The following SPOCK1 variants were observed in gnomAD, a reference collection of about 807,000 sequenced individuals.
SPOCK1 encodes SPARC (osteonectin), cwcv and kazal like domains proteoglycan 1, also known as testican-1.
SPOCK1 carries 23 observed loss-of-function variants against 55.3 expected under a neutral mutation model. The observed-to-expected ratio is 0.42, with a 90% CI of 0.30 to 0.59. The LOEUF (loss-of-function observed/expected upper bound fraction) is 0.59, where lower values mean the gene tolerates loss of function less well. Ranked by LOEUF, SPOCK1 falls within the 20% of genes least tolerant of loss-of-function variation. The pLI, the probability that SPOCK1 is intolerant of heterozygous loss-of-function variation, is 0.22. For missense variants in SPOCK1, 499 were observed against 552.5 expected (o/e 0.90, Z 0.97); for synonymous variants, 226 against 221.0 (o/e 1.02, Z -0.20).
At position 137,405,657 on chromosome 5, in the gene SPOCK1, C is replaced by T. The variant is rs554479535; in HGVS notation, c.186+92716G>A. On this transcript the variant is annotated intron_variant, in intron 2 of 10. Transcript: ENST00000394945. ...CCCCAGCTACACAAGTGAGAGGTACCAAGAAGAACAAACCCACCGACAACA... is the reference window on the plus strand; with the variant it reads ...CCCCAGCTACACAAGTGAGAGGTACTAAGAAGAACAAACCCACCGACAACA... Among the ~76,000 whole-genome samples the T allele has an allele frequency of 7.9e-5, 12 of 152,206 alleles. No homozygotes were observed. In the South Asian group the frequency reaches 2.5e-3, roughly 32 times the overall value.
At chr5:137,007,955 G>A (rs1751282246) in intron 6 of SPOCK1, among the ~76,000 whole-genome samples, 1 of 152,006 alleles carries the variant, frequency 6.6e-6, no homozygotes. Flanking sequence ...ATACTATGCA[G>A]CCATAAAAAA....
chr5:137,236,419 A>G (rs2127097300), intron 3 of SPOCK1, among the ~76,000 whole-genome samples: 1 of 152,360 alleles, frequency 6.6e-6, no homozygotes, highest in Non-Finnish European at 1.5e-5. Flanking sequence ...GCTGCCAAGG[A>G]AGGAGGACAG....
intron 3 of SPOCK1, among the ~76,000 whole-genome samples, chr5:137,263,189 T>C (rs1348230741): frequency 6.6e-6 from 1 of 152,134 alleles, no homozygotes; most frequent in Non-Finnish European, 1.5e-5. Flanking sequence ...ATTGAAAATA[T>C]GGTCACAGGC....
chr5:137,091,836 G>C (rs1297697351), intron 5 of SPOCK1, among the ~76,000 whole-genome samples: 1 of 152,132 alleles, frequency 6.6e-6, no homozygotes, highest in Non-Finnish European at 1.5e-5. Context: ...AAAACTCTTT[G>C]CATATGGGAG....
rs181236601 is a variant in SPOCK1 at position 137,064,624 on chromosome 5, C to T, written c.589+3091G>A. On this transcript the variant is annotated intron_variant, in intron 6 of 10. Coordinates refer to ENST00000394945, the MANE Select transcript of SPOCK1 (RefSeq NM_004598.4). Reference sequence around the variant, plus strand: ...CAGCTCTTCTTCCTCCCTCTGTCCACGGCTAAGTTGCCAACTCAAAGTTTC... The same window carrying T: ...CAGCTCTTCTTCCTCCCTCTGTCCATGGCTAAGTTGCCAACTCAAAGTTTC... Among the ~76,000 whole-genome samples the T allele has an allele frequency of 1.6e-3, 244 of 152,230 alleles. 2 individuals carry two copies. Among genetic ancestry groups the T allele is most frequent in the African/African-American group, 5.5e-3 (227 of 41,540 alleles).
chr5:137,236,852 C>T lies in SPOCK1; in HGVS notation c.232+30158G>A, dbSNP rs139683374. Among the ~76,000 whole-genome samples the T allele has an allele frequency of 2.2e-4, 33 of 152,298 alleles. No homozygotes were observed. In the Middle Eastern group the frequency reaches 0.014, roughly 63 times the overall value. On this transcript the variant is annotated intron_variant, in intron 3 of 10. Coordinates refer to ENST00000394945, the MANE Select transcript of SPOCK1 (RefSeq NM_004598.4). ...GGAGCTTCCTGAACTGGACAAGATA[C>T]CTGAATATAATGAAGAGCTCATTTC...
intron 2 of SPOCK1, among the ~76,000 whole-genome samples, chr5:137,477,755 C>T (rs1444462032): frequency 6.6e-6 from 1 of 152,160 alleles, no homozygotes; most frequent in African/African-American, 2.4e-5. Context: ...CTAAGCTCCA[C>T]ATGTCAGCTC....
intron 6 of SPOCK1, among the ~76,000 whole-genome samples, chr5:137,057,294 A>C (rs1173407506): frequency 6.6e-6 from 1 of 152,106 alleles, no homozygotes; most frequent in Non-Finnish European, 1.5e-5. Context: ...TGATTTGAAC[A>C]CATCTCAGTT....
rs533634695 is a variant in SPOCK1 at position 136,990,624 on chromosome 5, T to C, written c.706+1860A>G. On this transcript the variant is annotated intron_variant, in intron 7 of 10. Coordinates refer to ENST00000394945, the MANE Select transcript of SPOCK1 (RefSeq NM_004598.4). ...CTTCTTTGATCGAATGTCATGATTG[T>C]CAATAGTCTTTGATGATGCTGTCCC... Among the ~76,000 whole-genome samples the C allele has an allele frequency of 3.8e-5, 5 of 130,684 alleles. No individual in the cohort carries two copies. In the South Asian group the frequency reaches 9.5e-4, roughly 25 times the overall value. The allele number at this position is 130,684 out of a possible 152,430, so 85.7% of individuals were successfully genotyped here. A position where few individuals can be genotyped will look rare whatever the true frequency, so the allele number is the denominator to read the frequency against.
At chr5:137,131,842 G>A (rs1318346013) in intron 4 of SPOCK1, among the ~76,000 whole-genome samples, 3 of 146,550 alleles carry the variant, frequency 2.0e-5, no homozygotes, top group Non-Finnish European at 4.5e-5. Flanking sequence ...TGTAGGGGCG[G>A]GCGCCTGTAG....
intron 3 of SPOCK1, among the ~76,000 whole-genome samples, chr5:137,201,503 T>C (rs1755424094): frequency 6.6e-6 from 1 of 152,200 alleles, no homozygotes; most frequent in South Asian, 2.1e-4. Context: ...CCGTAACATT[T>C]CCAGCTGTTT....
intron 3 of SPOCK1, among the ~76,000 whole-genome samples, chr5:137,233,436 C>A (rs1756110334): frequency 6.6e-6 from 1 of 152,080 alleles, no homozygotes; most frequent in Non-Finnish European, 1.5e-5. Flanking sequence ...AATGCTGCTG[C>A]TGATCTGACA....
intron 4 of SPOCK1, among the ~76,000 whole-genome samples, chr5:137,118,181 A>G (rs1753623808): frequency 6.6e-6 from 1 of 152,210 alleles, no homozygotes; most frequent in Non-Finnish European, 1.5e-5. Context: ...CTATAAAACA[A>G]TTCTTTGGAA....
At chr5:137,489,331 C>T (rs1252075142) in intron 2 of SPOCK1, among the ~76,000 whole-genome samples, 1 of 152,112 alleles carries the variant, frequency 6.6e-6, no homozygotes, top group East Asian at 1.9e-4. Flanking sequence ...AAGGAGCAAC[C>T]CCATGTATAC....
intron 2 of SPOCK1, among the ~76,000 whole-genome samples, chr5:137,283,531 C>T (rs1170090664): frequency 6.6e-6 from 1 of 152,048 alleles, no homozygotes; most frequent in Non-Finnish European, 1.5e-5. Context: ...CTGGCCAACA[C>T]AGTGAAACCC....
intron 2 of SPOCK1, among the ~76,000 whole-genome samples, chr5:137,457,942 T>C (rs1181341260): frequency 6.6e-6 from 1 of 152,100 alleles, no homozygotes; most frequent in Admixed American, 6.5e-5. Flanking sequence ...TTGTGGTTAT[T>C]AAAAATAAAG....
At chr5:137,172,549 G>T (rs1340564124) in intron 3 of SPOCK1, among the ~76,000 whole-genome samples, 1 of 152,180 alleles carries the variant, frequency 6.6e-6, no homozygotes, top group Non-Finnish European at 1.5e-5. Flanking sequence ...TTGAAGGGAT[G>T]AGTCTATTTT....
chr5:137,184,822 T>C (rs941822031), intron 3 of SPOCK1, among the ~76,000 whole-genome samples: 3 of 151,962 alleles, frequency 2.0e-5, no homozygotes, highest in Non-Finnish European at 2.9e-5. Flanking sequence ...ACCCTTGCTC[T>C]CAATGCCTCT....
At chr5:137,325,291 G>T (rs1758056014) in intron 2 of SPOCK1, among the ~76,000 whole-genome samples, 1 of 152,062 alleles carries the variant, frequency 6.6e-6, no homozygotes, top group African/African-American at 2.4e-5. Context: ...GCCCTCCCTT[G>T]CATGACACCC....
Sources: allele counts gnomAD v4.1 joint callset (sites outside exome capture counted in the v4.1 genomes callset), GRCh38; gene constraint gnomAD v4.1.1; transcripts MANE v1.5; gene names NCBI Gene and HGNC (gene_info 2026-07-23, HGNC 2026-07-21).